Variants in TEX2 observed in about 807,000 individuals in gnomAD.
TEX2 encodes the protein testis-expressed protein 2.
A neutral mutation model predicts 106.9 loss-of-function variants in TEX2; 53 were observed. That is an observed-to-expected ratio of 0.50 (90% CI 0.40 to 0.62). The LOEUF (loss-of-function observed/expected upper bound fraction) is 0.62. TEX2 is among the 20% of genes least tolerant of loss of function. The pLI is 0.00. For missense variants in TEX2, 1,207 were observed against 1,379.0 expected, an observed-to-expected ratio of 0.88 and a Z score of 1.98; for synonymous variants, 523 against 534.8, an observed-to-expected ratio of 0.98 and a Z score of 0.30.
chr17:64,180,955 G>A (rs2031828283), intron 5 of TEX2, among the ~76,000 whole-genome samples: 1 of 152,148 alleles, frequency 6.6e-6, no homozygotes, highest in African/African-American at 2.4e-5. Flanking sequence ...TACCGCCAGG[G>A]GGGTTGCACA....
intron 7 of TEX2, among the ~76,000 whole-genome samples, chr17:64,162,198 T>C (rs1232310340): frequency 6.6e-6 from 1 of 152,256 alleles, no homozygotes; most frequent in Non-Finnish European, 1.5e-5. Flanking sequence ...TTGTTTACAT[T>C]AAGCAGTTAG....
chr17:64,213,232 G>T lies in TEX2; in HGVS notation c.986C>A (p.Ser329Tyr). 1 of 1,614,176 alleles carries T rather than the reference G, an allele frequency of 6.2e-7. No homozygotes were observed. The highest frequency in any genetic ancestry group is 8.5e-7 in the Non-Finnish European group (1 of 1,180,040). ...GTGCCCATTCAAGCTGGACAGATTG[G>T]AGAGTTCTGAAGCACTTGAAGATAA... ...KALSSSASEL[S>Y]NLSSLNGHLE... The change falls in exon 2 of 12, where the codon TCC becomes TAC. Residue 329 changes from serine (S) to tyrosine (Y), a missense_variant. Ser to Tyr is a moderately radical substitution (Grantham distance 144). Around this residue, in one of 3 missense-constraint regions of TEX2, gnomAD observed 1,067 missense variants for 1,193.6 expected, o/e 0.89. Transcript: ENST00000584379. The surrounding 1 kb of genome is among the most constrained non-coding windows in gnomAD (Gnocchi z 4.4).
intron 5 of TEX2, among the ~76,000 whole-genome samples, chr17:64,181,204 G>A (rs937958857): frequency 2.6e-5 from 4 of 152,098 alleles, no homozygotes; most frequent in Non-Finnish European, 5.9e-5. Flanking sequence ...TAGGCCGGGC[G>A]TGGTGGTTCA....
At chr17:64,179,595 A>C (rs1158822890) in intron 5 of TEX2, among the ~76,000 whole-genome samples, 1 of 152,158 alleles carries the variant, frequency 6.6e-6, no homozygotes, top group African/African-American at 2.4e-5. Context: ...CCACGAACCC[A>C]CCAGCAGGAA....
intron 1 of TEX2, among the ~76,000 whole-genome samples, chr17:64,232,147 TG>T (rs1250599023): frequency 6.6e-6 from 1 of 152,236 alleles, no homozygotes; most frequent in Middle Eastern, 3.2e-3. Flanking sequence ...GAATTTAGGA[TG>T]ATGTACATCA....
Position 64,185,828 on chromosome 17 carries a change from A to C in TEX2, c.2424+2340T>G, listed in dbSNP as rs997477207. Among the ~76,000 whole-genome samples the C allele has an allele frequency of 1.3e-5, 2 of 152,188 alleles. No individual in the cohort carries two copies. The highest frequency in any genetic ancestry group is 4.8e-5 in the African/African-American group (2 of 41,440). ...TCCTGGCTACTCAGGAGGCTGAGGC[A>C]GAAGAATTGCTTGAACCTGGGAGGC... is the stretch of plus-strand genomic sequence containing the variant. On this transcript the variant is annotated intron_variant, in intron 5 of 11. Transcript: ENST00000584379. This position sits in a 1 kb window ranked among gnomAD's most constrained non-coding sequence, Gnocchi z 4.0.
rs893892423 is a variant in TEX2, at chr17:64,147,813, C to T, written c.*1156G>A. On this transcript the variant is annotated 3_prime_UTR_variant, in exon 12 of 12. Coordinates refer to ENST00000584379, the MANE Select transcript of TEX2 (RefSeq NM_001288732.2). ...AAAACCACTATTAGCTTTGTCCACACATGTAAGTTATCAAAAGTTACCCAA... is the reference window on the plus strand; with the variant it reads ...AAAACCACTATTAGCTTTGTCCACATATGTAAGTTATCAAAAGTTACCCAA... 3.3e-5 allele frequency: 5 copies of T among 152,398 alleles called. No homozygotes were observed. The highest frequency in any genetic ancestry group is 1.2e-4 in the African/African-American group (5 of 41,408). 9.4% of individuals were successfully genotyped at this position (152,398 alleles called of 1,614,324 possible).
intron 4 of TEX2, among the ~76,000 whole-genome samples, chr17:64,189,397 G>C (rs921266097): frequency 5.3e-5 from 8 of 152,174 alleles, no homozygotes; most frequent in Non-Finnish European, 1.0e-4. Flanking sequence ...GGCCCAGGTG[G>C]GGAAGAGTAT....
At chr17:64,245,244 T>C (rs1037173533) in intron 1 of TEX2, among the ~76,000 whole-genome samples, 2 of 152,210 alleles carry the variant, frequency 1.3e-5, no homozygotes, top group Non-Finnish European at 2.9e-5. Context: ...AATTTCTAAC[T>C]CTATTTGCTA....
intron 2 of TEX2, among the ~76,000 whole-genome samples, chr17:64,203,065 T>G (rs1430333805): frequency 6.6e-6 from 1 of 152,222 alleles, no homozygotes; most frequent in East Asian, 1.9e-4. Flanking sequence ...ATTAACCTTT[T>G]GCAAAATAAT....
intron 1 of TEX2, among the ~76,000 whole-genome samples, chr17:64,245,277 G>A (rs575638096): frequency 6.6e-6 from 1 of 152,232 alleles, no homozygotes; most frequent in African/African-American, 2.4e-5. Flanking sequence ...TCTATCTTAA[G>A]AGTCTAGAAA....
chr17:64,181,205 T>C (rs1267994812), intron 5 of TEX2, among the ~76,000 whole-genome samples: 1 of 152,014 alleles, frequency 6.6e-6, no homozygotes, highest in Non-Finnish European at 1.5e-5. Flanking sequence ...AGGCCGGGCG[T>C]GGTGGTTCAT....
intron 8 of TEX2, chr17:64,155,919 T>C (rs1401665587): frequency 6.6e-6 from 1 of 152,054 alleles, no homozygotes; most frequent in East Asian, 1.9e-4. Context: ...CCCAGAGACT[T>C]AAATGGGACA....
chr17:64,182,756 G>C (rs187762069), intron 5 of TEX2, among the ~76,000 whole-genome samples: 2 of 152,150 alleles, frequency 1.3e-5, no homozygotes, highest in East Asian at 3.9e-4. Context: ...CCTCACTAAT[G>C]TTTTCAAGGC....
At chr17:64,242,632 TC>T (rs2033908941) in intron 1 of TEX2, among the ~76,000 whole-genome samples, 1 of 152,022 alleles carries the variant, frequency 6.6e-6, no homozygotes, top group Non-Finnish European at 1.5e-5. Flanking sequence ...TGAACCAGAA[TC>T]ATCCTCCTCC....
At chr17:64,164,048 G>A (rs1252509130) in intron 7 of TEX2, among the ~76,000 whole-genome samples, 5 of 152,136 alleles carry the variant, frequency 3.3e-5, no homozygotes, top group Non-Finnish European at 7.3e-5. Flanking sequence ...GGGAAAGGGG[G>A]CTGGAGGCAC....
At chr17:64,210,634 C>CTTTATTTTTTTTTTTT (rs2032970391) in intron 2 of TEX2, among the ~76,000 whole-genome samples, 1 of 74,788 alleles carries the variant, frequency 1.3e-5, no homozygotes, top group African/African-American at 5.8e-5. Context: ...CAACCCCCAG[C>CTTTATTTTTTTTTTTT]TTTTTTTTTT....
At chr17:64,189,527 G>A (rs896103502) in intron 4 of TEX2, among the ~76,000 whole-genome samples, 1 of 152,180 alleles carries the variant, frequency 6.6e-6, no homozygotes. Context: ...AGGAAATGAG[G>A]ATGGAGAGAT....
At chr17:64,179,349 G>A (rs1024445647) in intron 5 of TEX2, among the ~76,000 whole-genome samples, 1 of 152,172 alleles carries the variant, frequency 6.6e-6, no homozygotes, top group African/African-American at 2.4e-5. Flanking sequence ...TTGAAAAAAG[G>A]GCATTGTGAT....
Sources: gnomAD v4.1 joint callset for allele counts (sites outside exome capture counted in the v4.1 genomes callset) on GRCh38, gnomAD v4.1.1 for gene constraint, gnomAD v4.1.1 regional missense constraint, Gnocchi (gnomAD v3.1) non-coding constraint, MANE v1.5 for transcripts, NCBI Gene and HGNC (gene_info 2026-07-23, HGNC 2026-07-21) for gene names.